Variants in LMBR1 observed in about 807,000 individuals in gnomAD.
LMBR1 encodes the protein limb region 1 protein homolog.
In LMBR1, 52 loss-of-function variants were observed where a neutral mutation model predicts 73.9. That is an observed-to-expected ratio of 0.70 (90% confidence interval 0.56 to 0.89). The LOEUF (loss-of-function observed/expected upper bound fraction) is 0.89. LMBR1 is among the 40% of genes least tolerant of loss of function. LMBR1 has a pLI of 0.00. For synonymous variants in LMBR1, 215 were observed against 209.4 expected, an observed-to-expected ratio of 1.03 and a Z score of -0.23; for missense variants, 539 against 579.8, an observed-to-expected ratio of 0.93 and a Z score of 0.72.
At chr7:156,672,045 G>C (rs571626353) in intron 4 of LMBR1, among the ~76,000 whole-genome samples, 15 of 152,188 alleles carry the variant, frequency 9.9e-5, no homozygotes, top group South Asian at 2.1e-4. Flanking sequence ...TTCTTCTGTG[G>C]AATCAAACAC....
chr7:156,865,958 T>C (rs1322213481), intron 1 of LMBR1, among the ~76,000 whole-genome samples: 3 of 151,884 alleles, frequency 2.0e-5, no homozygotes, highest in Non-Finnish European at 4.4e-5. Flanking sequence ...TAGATCTAAA[T>C]GTAAGAGCTA....
chr7:156,676,209 T>C, downstream of LMBR1: 1 of 1,475,454 alleles, frequency 6.8e-7, no homozygotes, highest in East Asian at 2.5e-5. Flanking sequence ...ACTAACCCTT[T>C]CCACAGTTCC....
At chr7:156,676,180 T>C (rs900271879), downstream of LMBR1, 1 of 1,253,844 alleles carries the variant, frequency 8.0e-7, no homozygotes, top group Non-Finnish European at 1.1e-6. Context: ...TGTTGGATGT[T>C]GCTTATCACA....
At chr7:156,839,324 C>G (rs1451760972) in intron 1 of LMBR1, among the ~76,000 whole-genome samples, 6 of 152,056 alleles carry the variant, frequency 3.9e-5, no homozygotes, top group South Asian at 2.1e-4. Context: ...GCTGGGATTA[C>G]AGGTGTGAGC....
intron 1 of LMBR1, 143 bp downstream of exon 1, chr7:156,892,785 G>C (rs1803368489): frequency 4.6e-6 from 2 of 437,198 alleles, no homozygotes; most frequent in African/African-American, 4.8e-5. Flanking sequence ...GGAGGGGTGG[G>C]GAGGGAGAGC....
intron 1 of LMBR1, among the ~76,000 whole-genome samples, chr7:156,887,031 G>C (rs1586478837): frequency 6.6e-6 from 1 of 152,134 alleles, no homozygotes; most frequent in African/African-American, 2.4e-5. Context: ...GGATTTCATA[G>C]CTAGCTCTCA....
At position 156,875,788 on chromosome 7, in the gene LMBR1, C is replaced by A. The variant is rs542377860; in HGVS notation, c.66+17140G>T. Among the ~76,000 whole-genome samples the A allele has an allele frequency of 2.0e-5, 3 of 152,100 alleles. No individual in the cohort carries two copies. The South Asian group carries it at 6.2e-4, about 32-fold the overall frequency. On this transcript the variant is annotated intron_variant, in intron 1 of 16. Coordinates refer to ENST00000353442, the MANE Select transcript of LMBR1 (RefSeq NM_022458.4). ...GCTGAGAGAATTTGCCACTACCAAGCCAGAACTACCAGAACTGCTAAAGTA... is the reference window on the plus strand; with the variant it reads ...GCTGAGAGAATTTGCCACTACCAAGACAGAACTACCAGAACTGCTAAAGTA...
At chr7:156,796,281 AT>A (rs1830049075) in intron 5 of LMBR1, 107 bp downstream of exon 5, 3 of 698,468 alleles carry the variant, frequency 4.3e-6, no homozygotes, top group South Asian at 3.4e-5. Context: ...TTTACTACGC[AT>A]TTTTTATATT....
chr7:156,694,777 T>A (rs1029688153), intron 15 of LMBR1, among the ~76,000 whole-genome samples: 1 of 152,188 alleles, frequency 6.6e-6, no homozygotes, highest in African/African-American at 2.4e-5. Flanking sequence ...ACACTAAGAA[T>A]GGACTTTCCA....
intron 1 of LMBR1, among the ~76,000 whole-genome samples, chr7:156,872,786 T>C (rs769792482): frequency 3.9e-5 from 6 of 152,146 alleles, no homozygotes; most frequent in African/African-American, 7.2e-5. Context: ...CAGGACTAGA[T>C]TGCAGCTCCC....
chr7:156,826,320 T>C lies in LMBR1; in HGVS notation c.319+285A>G, dbSNP rs79028780. On this transcript the variant is annotated intron_variant, in intron 4 of 16. Transcript: ENST00000353442. ...AAATGGAGGTTGAGTTCTTCTGACATAGTCAGATAAACCAAAATACTCTAG... is the reference window on the plus strand; with the variant it reads ...AAATGGAGGTTGAGTTCTTCTGACACAGTCAGATAAACCAAAATACTCTAG... Among the ~76,000 whole-genome samples, 75 of 152,298 alleles carry C rather than the reference T, an allele frequency of 4.9e-4. 2 individuals are homozygous for C. Among genetic ancestry groups the C allele is most frequent in the African/African-American group, 1.8e-3 (73 of 41,558 alleles).
intron 1 of LMBR1, among the ~76,000 whole-genome samples, chr7:156,877,853 A>G (rs1175340085): frequency 6.6e-6 from 1 of 150,448 alleles, no homozygotes; most frequent in Non-Finnish European, 1.5e-5. Flanking sequence ...ACTGCACTCC[A>G]GCCTGGGCGA....
intron 3 of LMBR1, among the ~76,000 whole-genome samples, chr7:156,829,735 G>A (rs1052285984): frequency 2.0e-5 from 3 of 152,084 alleles, no homozygotes; most frequent in African/African-American, 7.2e-5. Context: ...AATGAAAAAA[G>A]GGGTATGATC....
chr7:156,822,424 GC>G (rs1387197266), intron 4 of LMBR1: 1 of 152,100 alleles, frequency 6.6e-6, no homozygotes, highest in Non-Finnish European at 1.5e-5. Flanking sequence ...TGAAATTCAA[GC>G]CCAGGTCTAT....
chr7:156,709,477 C>CA (rs527685561), intron 15 of LMBR1, among the ~76,000 whole-genome samples: 30 of 152,312 alleles, frequency 2.0e-4, no homozygotes, highest in African/African-American at 7.0e-4. Flanking sequence ...CCAACTCCAC[C>CA]AAAGCAGATG....
At chr7:156,751,626 G>T (rs531310416) in intron 9 of LMBR1, among the ~76,000 whole-genome samples, 3 of 152,318 alleles carry the variant, frequency 2.0e-5, no homozygotes, top group East Asian at 1.9e-4. Context: ...TCTCCAAGGG[G>T]TGGTGGTAGC....
intron 4 of LMBR1, among the ~76,000 whole-genome samples, chr7:156,816,150 CA>C (rs1181588419): frequency 6.6e-6 from 1 of 152,028 alleles, no homozygotes; most frequent in East Asian, 1.9e-4. Flanking sequence ...TTTATTAAAA[CA>C]AAGATAGTTT....
intron 10 of LMBR1, among the ~76,000 whole-genome samples, chr7:156,730,360 A>C (rs547836499): frequency 6.6e-6 from 1 of 152,364 alleles, no homozygotes; most frequent in African/African-American, 2.4e-5. Flanking sequence ...ATTCATTAAG[A>C]AAATGAGGTC....
At chr7:156,793,658 T>C (rs1008711153) in intron 5 of LMBR1, among the ~76,000 whole-genome samples, 1 of 152,200 alleles carries the variant, frequency 6.6e-6, no homozygotes, top group Admixed American at 6.5e-5. Flanking sequence ...TATTTAGTGA[T>C]AATAAGTATT....
Sources: allele counts gnomAD v4.1 joint callset (sites outside exome capture counted in the v4.1 genomes callset), GRCh38; gene constraint gnomAD v4.1.1; transcripts MANE v1.5; gene names NCBI Gene and HGNC (gene_info 2026-07-23, HGNC 2026-07-21).